The following KLRG1 variants were observed in gnomAD, a reference collection of about 807,000 sequenced individuals.
KLRG1 encodes the protein killer cell lectin like receptor G1.
Under a neutral mutation model 21.8 loss-of-function variants are expected in KLRG1, and 16 were observed. The observed-to-expected ratio is 0.73, with a 90% confidence interval of 0.50 to 1.11. The LOEUF is 1.11. Among genes scored for constraint, KLRG1 ranks in the 50% most tolerant of loss-of-function variants. The pLI is 0.00. For synonymous variants in KLRG1, 69 were observed against 75.9 expected (o/e 0.91, Z 0.47); for missense variants, 173 against 218.3 (o/e 0.79, Z 1.31).
chr12:9,115,145 A>G, the KLRG1 span: 1 of 152,276 alleles, frequency 6.6e-6, no homozygotes, highest in Non-Finnish European at 1.5e-5. Context: ...TCTGCATTAC[A>G]TGCCAAAAAT....
chr12:9,113,368 C>T, the KLRG1 span: 20 of 1,613,160 alleles, frequency 1.2e-5, no homozygotes, highest in African/African-American at 1.6e-4. Context: ...ACAGCGAAGG[C>T]GACACAGTGG....
the KLRG1 span, among the ~76,000 whole-genome samples, chr12:9,187,376 A>C: frequency 6.6e-6 from 1 of 152,172 alleles, no homozygotes. Context: ...ACAACAACAC[A>C]TACATTCTTC....
the KLRG1 span, among the ~76,000 whole-genome samples, chr12:9,113,196 T>A: frequency 6.6e-6 from 1 of 151,368 alleles, no homozygotes; most frequent in African/African-American, 2.4e-5. Flanking sequence ...CTCCCATGGC[T>A]GGAGAGTCAT....
intron 1 of KLRG1, among the ~76,000 whole-genome samples, chr12:8,963,956 A>G (rs1946421897): frequency 6.6e-6 from 1 of 152,024 alleles, no homozygotes; most frequent in African/African-American, 2.4e-5. Context: ...CTAGTGGTCT[A>G]TCAATTTTGT....
chr12:9,134,614 T>G, the KLRG1 span, among the ~76,000 whole-genome samples: 2 of 152,208 alleles, frequency 1.3e-5, no homozygotes, highest in Non-Finnish European at 2.9e-5. Context: ...GTTTTACTCT[T>G]TGATTCTATG....
the KLRG1 span, among the ~76,000 whole-genome samples, chr12:9,186,610 A>C: frequency 6.6e-6 from 1 of 151,772 alleles, no homozygotes; most frequent in Non-Finnish European, 1.5e-5. Context: ...CCACATGCCC[A>C]TCAATGATAG....
the KLRG1 span, chr12:9,091,147 C>T: frequency 6.3e-7 from 1 of 1,577,564 alleles, no homozygotes; most frequent in Non-Finnish European, 8.7e-7. Context: ...AGGAATGCAA[C>T]TTTTAATTTA....
At chr12:9,049,801 G>A in the KLRG1 span, among the ~76,000 whole-genome samples, 1 of 152,202 alleles carries the variant, frequency 6.6e-6, no homozygotes, top group African/African-American at 2.4e-5. Context: ...ACAGGAACAA[G>A]TAAGTGTAGG....
the KLRG1 span, among the ~76,000 whole-genome samples, chr12:9,190,615 A>G: frequency 1.3e-5 from 2 of 152,162 alleles, no homozygotes; most frequent in Non-Finnish European, 2.9e-5. Context: ...AACCTGGGTA[A>G]CGAAATAATC....
intron 1 of KLRG1, among the ~76,000 whole-genome samples, chr12:8,959,073 G>C (rs1241187825): frequency 6.6e-6 from 1 of 152,036 alleles, no homozygotes; most frequent in Non-Finnish European, 1.5e-5. Context: ...TTCTAATGTG[G>C]GGGCCAAGAT....
chr12:8,991,132 A>G (rs1320291632), intron 1 of KLRG1, among the ~76,000 whole-genome samples: 2 of 152,200 alleles, frequency 1.3e-5, no homozygotes, highest in East Asian at 3.8e-4. Flanking sequence ...GTTATTAAGC[A>G]AAGGAATCAA....
intron 1 of KLRG1, among the ~76,000 whole-genome samples, chr12:8,971,636 G>A (rs767845938): frequency 1.2e-4 from 17 of 147,500 alleles, no homozygotes; most frequent in Non-Finnish European, 1.6e-4. Context: ...GATTACAGGC[G>A]TGTGCTACCA....
At chr12:9,162,478 A>T in the KLRG1 span, 1 of 734,396 alleles carries the variant, frequency 1.4e-6, no homozygotes, top group South Asian at 1.8e-5. Flanking sequence ...ATTTAGTATT[A>T]TGCTGACTTT....
intron 1 of KLRG1, among the ~76,000 whole-genome samples, chr12:8,982,038 G>C (rs766452290): frequency 6.6e-6 from 1 of 152,130 alleles, no homozygotes; most frequent in African/African-American, 2.4e-5. Context: ...ACTTGTGGAA[G>C]GCTGAATAAT....
chr12:8,968,215 A>G (rs1946510416), intron 1 of KLRG1, among the ~76,000 whole-genome samples: 1 of 145,490 alleles, frequency 6.9e-6, no homozygotes, highest in Admixed American at 7.2e-5. Flanking sequence ...ATTTTTAAAA[A>G]AGGTCCAAGT....
the KLRG1 span, chr12:9,099,528 G>A: frequency 6.2e-7 from 1 of 1,604,762 alleles, no homozygotes; most frequent in African/African-American, 1.3e-5. Flanking sequence ...CCTTCACTGG[G>A]GCACAAAGAG....
the KLRG1 span, among the ~76,000 whole-genome samples, chr12:9,060,479 C>T: frequency 6.6e-6 from 1 of 152,030 alleles, no homozygotes. Context: ...AACATAGATG[C>T]CTGTTAGCCC....
At chr12:9,186,005 A>G in the KLRG1 span, among the ~76,000 whole-genome samples, 1 of 151,926 alleles carries the variant, frequency 6.6e-6, no homozygotes, top group Admixed American at 6.5e-5. Context: ...ATGGGGTTTC[A>G]CCATGTTGGC....
chr12:9,039,300 C>T, the KLRG1 span, among the ~76,000 whole-genome samples: 8 of 152,186 alleles, frequency 5.3e-5, no homozygotes, highest in Admixed American at 1.3e-4. Flanking sequence ...GCTTAGATTG[C>T]GTATGTGAAA....
Sources: gnomAD v4.1 joint callset for allele counts (sites outside exome capture counted in the v4.1 genomes callset) on GRCh38, gnomAD v4.1.1 for gene constraint, MANE v1.5 for transcripts, NCBI Gene and HGNC (gene_info 2026-07-23, HGNC 2026-07-21) for gene names.